The following SHANK2 variants were observed in gnomAD, a reference collection of about 807,000 sequenced individuals.
SHANK2 encodes SH3 and multiple ankyrin repeat domains protein 2.
Under a neutral mutation model 133.7 loss-of-function variants are expected in SHANK2, and 43 were observed. That is an observed-to-expected ratio of 0.32 (90% CI 0.25 to 0.41). The LOEUF (loss-of-function observed/expected upper bound fraction) is 0.41, where lower values mean the gene tolerates loss of function less well. Among genes scored for constraint, SHANK2 ranks in the 10% least tolerant of loss-of-function variants. The probability of loss-of-function intolerance (pLI) is 1.00; values close to 1 mark genes in which losing one functional copy is unlikely to be tolerated. For missense variants in SHANK2, 1,994 were observed against 2,235.8 expected (o/e 0.89, Z 2.18); for synonymous variants, 1,017 against 952.8 (o/e 1.07, Z -1.24).
At chr11:71,155,530 GGA>G (rs1952891948) in intron 2 of SHANK2, among the ~76,000 whole-genome samples, 1 of 151,974 alleles carries the variant, frequency 6.6e-6, no homozygotes, top group Non-Finnish European at 1.5e-5. Context: ...CCCTCAACAT[GGA>G]GACACCACCA....
intron 14 of SHANK2, among the ~76,000 whole-genome samples, chr11:70,718,698 C>T (rs1161318833): frequency 2.5e-5 from 2 of 80,928 alleles, no homozygotes; most frequent in Non-Finnish European, 4.4e-5. Context: ...AGAGCTCATT[C>T]TCTTTTTTTT....
chr11:71,226,410 C>T (rs1954645181), intron 1 of SHANK2, among the ~76,000 whole-genome samples: 1 of 152,116 alleles, frequency 6.6e-6, no homozygotes, highest in Non-Finnish European at 1.5e-5. Flanking sequence ...TCAAAATGTC[C>T]CAAATTTGCT....
intron 17 of SHANK2, among the ~76,000 whole-genome samples, chr11:70,592,259 C>T (rs985953060): frequency 1.3e-5 from 2 of 152,052 alleles, no homozygotes; most frequent in Non-Finnish European, 2.9e-5. Context: ...AGGCAGCTGT[C>T]GCTGGTCCCC....
rs1953709724 is a variant in SHANK2, at chr11:71,188,001, C to T, written c.-13+36696G>A. ...AAGGAACTGACCTTCATCTCTGATC[C>T]AGAGGCTTCGTGTCTTCTACTGGTA... is the stretch of plus-strand genomic sequence containing the variant. On this transcript the variant is annotated intron_variant, in intron 2 of 25. Coordinates refer to ENST00000601538, the MANE Select transcript of SHANK2 (RefSeq NM_012309.5). The surrounding 1 kb of genome is among the most constrained non-coding windows in gnomAD (Gnocchi z 4.6). Among the ~76,000 whole-genome samples the T allele has an allele frequency of 6.6e-6, 1 of 152,190 alleles. No individual in the cohort carries two copies. The highest frequency in any genetic ancestry group is 1.5e-5 in the Non-Finnish European group (1 of 68,042).
chr11:70,742,291 C>T (rs1946544846), intron 14 of SHANK2, among the ~76,000 whole-genome samples: 1 of 152,154 alleles, frequency 6.6e-6, no homozygotes, highest in African/African-American at 2.4e-5. Flanking sequence ...GACTGTTGCG[C>T]ACTCTGGGAA....
intron 14 of SHANK2, among the ~76,000 whole-genome samples, chr11:70,706,636 C>T (rs1416256231): frequency 6.6e-6 from 1 of 152,024 alleles, no homozygotes; most frequent in Non-Finnish European, 1.5e-5. Context: ...CGACTCACCC[C>T]ATGTCCCAGG....
chr11:70,673,038 G>T (rs1200310037), intron 15 of SHANK2, among the ~76,000 whole-genome samples: 2 of 152,232 alleles, frequency 1.3e-5, no homozygotes, highest in Non-Finnish European at 2.9e-5. Context: ...CCTGAGCTGG[G>T]ACCTCCTATG....
intron 14 of SHANK2, among the ~76,000 whole-genome samples, chr11:70,779,644 C>T (rs1157268009): frequency 6.6e-6 from 1 of 152,198 alleles, no homozygotes; most frequent in Non-Finnish European, 1.5e-5. Flanking sequence ...AGCTCCCACC[C>T]CTTTCACATC....
At position 70,569,193 on chromosome 11, in the gene SHANK2, A is replaced by T. The variant is rs535685834; in HGVS notation, c.2062-66262T>A. ...GGGATCCTCTGTCCTCTCAGGGCCA[A>T]TCGGACTGAGGACAGTCCCAAACCC... On this transcript the variant is annotated intron_variant, in intron 17 of 25. Transcript: ENST00000601538. This position sits in a 1 kb window ranked among gnomAD's most constrained non-coding sequence, Gnocchi z 5.1. Among the ~76,000 whole-genome samples the T allele has an allele frequency of 2.6e-4, 40 of 152,292 alleles. No individual in the cohort carries two copies. The highest frequency in any genetic ancestry group is 8.4e-4 in the African/African-American group (35 of 41,574).
chr11:71,238,004 C>T (rs1954844397), intron 1 of SHANK2, among the ~76,000 whole-genome samples: 2 of 152,226 alleles, frequency 1.3e-5, no homozygotes, highest in Admixed American at 6.5e-5. Context: ...CACAGACTCA[C>T]CTCTGTCCCC....
chr11:70,646,009 G>A (rs938763398), intron 17 of SHANK2, among the ~76,000 whole-genome samples: 13 of 152,234 alleles, frequency 8.5e-5, no homozygotes, highest in Non-Finnish European at 1.2e-4. Flanking sequence ...GCTGAGCGTG[G>A]AAGGGGACCC....
At chr11:70,621,691 A>C (rs2060831298) in intron 17 of SHANK2, among the ~76,000 whole-genome samples, 1 of 152,204 alleles carries the variant, frequency 6.6e-6, no homozygotes, top group Non-Finnish European at 1.5e-5. Context: ...TTACATTACA[A>C]AACAACCCAG....
At chr11:70,802,898 C>T (rs782332771) in intron 13 of SHANK2, among the ~76,000 whole-genome samples, 10 of 152,200 alleles carry the variant, frequency 6.6e-5, no homozygotes, top group South Asian at 2.1e-4. Flanking sequence ...CCCATGGCCA[C>T]GAACCCTCAG....
intron 10 of SHANK2, among the ~76,000 whole-genome samples, chr11:70,916,441 G>A (rs1041948183): frequency 6.6e-5 from 10 of 152,114 alleles, no homozygotes; most frequent in African/African-American, 1.7e-4. Context: ...TCTGAAATGC[G>A]AGGCTGGCAG....
intron 8 of SHANK2, among the ~76,000 whole-genome samples, chr11:71,076,199 CT>C (rs1951216167): frequency 6.6e-6 from 1 of 152,182 alleles, no homozygotes; most frequent in African/African-American, 2.4e-5. Context: ...TGGCCACAAC[CT>C]TGGACCTGGA....
chr11:70,582,506 C>A lies in SHANK2; in HGVS notation c.2061+77322G>T, dbSNP rs185296520. 8.7e-4 allele frequency among the ~76,000 whole-genome samples: 132 copies of A among 152,320 alleles called. 1 individual carries two copies. Among genetic ancestry groups the A allele is most frequent in the Non-Finnish European group, 3.1e-4 (21 of 68,028 alleles). On this transcript the variant is annotated intron_variant, in intron 17 of 25. Transcript: ENST00000601538. ...AGCTCCCTATAGAGGCGGCAGGCAGCAGATATAAGCTCAGGTCCATATCTG... is the reference window on the plus strand; with the variant it reads ...AGCTCCCTATAGAGGCGGCAGGCAGAAGATATAAGCTCAGGTCCATATCTG...
At chr11:70,501,016 C>CT (rs1257582240) in intron 20 of SHANK2, among the ~76,000 whole-genome samples, 3 of 145,720 alleles carry the variant, frequency 2.1e-5, no homozygotes, top group Non-Finnish European at 2.9e-5. Flanking sequence ...AGGAGCACCC[C>CT]TTGCAAAGAT....
At chr11:70,482,526 CT>C (rs1187433831) in intron 25 of SHANK2, among the ~76,000 whole-genome samples, 5 of 152,256 alleles carry the variant, frequency 3.3e-5, no homozygotes, top group African/African-American at 1.2e-4. Context: ...AGTTCCGCGT[CT>C]TCCTGTGAAG....
At chr11:70,763,910 G>A (rs993735783) in intron 14 of SHANK2, among the ~76,000 whole-genome samples, 1 of 152,088 alleles carries the variant, frequency 6.6e-6, no homozygotes, top group South Asian at 2.1e-4. Flanking sequence ...CTATTAAACC[G>A]CTTTTTAAAA....
Sources: allele counts gnomAD v4.1 joint callset (sites outside exome capture counted in the v4.1 genomes callset), GRCh38; gene constraint gnomAD v4.1.1; non-coding constraint Gnocchi (gnomAD v3.1); transcripts MANE v1.5; gene names NCBI Gene and HGNC (gene_info 2026-07-23, HGNC 2026-07-21).